The following ESRRG variants were observed in gnomAD, a reference collection of about 807,000 sequenced individuals.
The protein encoded by ESRRG is estrogen-related receptor gamma.
ESRRG carries 13 observed loss-of-function variants against 44.0 expected under a neutral mutation model. The observed-to-expected ratio is 0.30, with a 90% CI of 0.19 to 0.47. The LOEUF (loss-of-function observed/expected upper bound fraction) is 0.47, where lower values mean the gene tolerates loss of function less well. ESRRG is among the 20% of genes least tolerant of loss of function. ESRRG has a pLI of 1.00. For missense variants in ESRRG, 395 were observed against 580.6 expected (o/e 0.68, Z 3.29); for synonymous variants, 215 against 214.6 (o/e 1.00, Z -0.02).
At chr1:217,015,943 C>T (rs542343683) in intron 1 of ESRRG, among the ~76,000 whole-genome samples, 47 of 152,128 alleles carry the variant, frequency 3.1e-4, no homozygotes, top group African/African-American at 1.1e-3. Flanking sequence ...GTTGACCAGG[C>T]TGGCTTCGAA....
chr1:217,107,419 T>C lies in ESRRG; in HGVS notation c.-230+30248A>G, dbSNP rs765809915. 3.3e-5 allele frequency among the ~76,000 whole-genome samples: 5 copies of C among 152,348 alleles called. No individual in the cohort carries two copies. In the East Asian group the frequency reaches 5.8e-4, roughly 18 times the overall value. Reference sequence around the variant, plus strand: ...GGTGAATCAAATGTCAGTGCTTCCCTGATAGAGTCCTGTGTGATTTCTAGT... The same window carrying C: ...GGTGAATCAAATGTCAGTGCTTCCCCGATAGAGTCCTGTGTGATTTCTAGT... On this transcript the variant is annotated intron_variant, in intron 1 of 8. Coordinates refer to the ESRRG transcript ENST00000366940.
chr1:216,519,814 T>TA (rs147923058), intron 5 of ESRRG, among the ~76,000 whole-genome samples: 6,836 of 118,872 alleles, frequency 0.058, 443 homozygotes, highest in African/African-American at 0.16. Context: ...AACATAAAAG[T>TA]AAAAAAAAAA....
rs151219385 is a variant in ESRRG at position 217,110,830 on chromosome 1, T to C, written c.-230+26837A>G. On this transcript the variant is annotated intron_variant, in intron 1 of 8. Transcript: ENST00000366940. ...AATATTGAAACTATATTGCTCGATA[T>C]CATCCTCCCAACCTGGCTTATTATA... 1.7e-3 allele frequency among the ~76,000 whole-genome samples: 255 copies of C among 152,292 alleles called. 1 individual carries two copies. The highest frequency in any genetic ancestry group is 5.9e-3 in the African/African-American group (245 of 41,574).
At position 216,962,129 on chromosome 1, in the gene ESRRG, T is replaced by TA. The variant is rs1280661746; in HGVS notation, c.-105-22457dup. ...AAGTCCAGTTTTTAAGCTTTGTTCT[T>TA]ATTCGAAACTATGGAATAAACACAA... On this transcript the variant is annotated intron_variant, in intron 1 of 7. Transcript: ENST00000359162. 2.0e-5 allele frequency among the ~76,000 whole-genome samples: 3 copies of TA among 152,282 alleles called. No individual in the cohort carries two copies. In the East Asian group the frequency reaches 5.8e-4, roughly 29 times the overall value.
intron 5 of ESRRG, among the ~76,000 whole-genome samples, chr1:216,536,787 T>C (rs1051787967): frequency 6.6e-6 from 1 of 152,140 alleles, no homozygotes; most frequent in Non-Finnish European, 1.5e-5. Context: ...CTGGGCATTA[T>C]GAATGCAACA....
chr1:216,793,682 G>C (rs373533206), intron 2 of ESRRG, among the ~76,000 whole-genome samples: 12 of 152,136 alleles, frequency 7.9e-5, no homozygotes, highest in South Asian at 6.2e-4. Context: ...ATAGATATTT[G>C]TTGTTTTAAG....
intron 2 of ESRRG, among the ~76,000 whole-genome samples, chr1:216,861,394 C>T (rs1034417920): frequency 1.3e-5 from 2 of 151,806 alleles, no homozygotes; most frequent in African/African-American, 4.8e-5. Flanking sequence ...CAAATAAATG[C>T]TAAATGTTTG....
chr1:216,821,554 C>T (rs995128676), intron 2 of ESRRG, among the ~76,000 whole-genome samples: 2 of 151,066 alleles, frequency 1.3e-5, no homozygotes, highest in African/African-American at 2.4e-5. Context: ...GTGTAGTGGC[C>T]TATTCCCGTA....
chr1:216,707,881 A>G (rs2082751731), intron 1 of ESRRG, among the ~76,000 whole-genome samples: 1 of 152,216 alleles, frequency 6.6e-6, no homozygotes, highest in South Asian at 2.1e-4. Flanking sequence ...TTCAAAATCA[A>G]TTTTAAACTG....
chr1:216,666,292 T>C (rs1295922642), intron 2 of ESRRG, among the ~76,000 whole-genome samples: 2 of 152,274 alleles, frequency 1.3e-5, no homozygotes, highest in Non-Finnish European at 2.9e-5. Context: ...CATTCTAATA[T>C]ACCCTATCTG....
intron 1 of ESRRG, among the ~76,000 whole-genome samples, chr1:217,123,144 T>C (rs1170140714): frequency 6.6e-6 from 1 of 152,172 alleles, no homozygotes; most frequent in Non-Finnish European, 1.5e-5. Flanking sequence ...CCAATGGAAA[T>C]GGTGCATGAA....
chr1:216,623,077 CTTTT>C (rs370657704), intron 3 of ESRRG, among the ~76,000 whole-genome samples: 2 of 88,692 alleles, frequency 2.3e-5, no homozygotes, highest in East Asian at 3.6e-4. Flanking sequence ...AATCATTAAA[CTTTT>C]TTTTTTTTTT....
intron 1 of ESRRG, among the ~76,000 whole-genome samples, chr1:217,041,266 G>A (rs1255242364): frequency 6.6e-6 from 1 of 152,088 alleles, no homozygotes; most frequent in African/African-American, 2.4e-5. Context: ...GAAAATAACA[G>A]CCTGCAAGCT....
At chr1:216,831,885 T>C (rs1294117894) in intron 2 of ESRRG, among the ~76,000 whole-genome samples, 1 of 152,170 alleles carries the variant, frequency 6.6e-6, no homozygotes, top group Non-Finnish European at 1.5e-5. Context: ...TAAATATATA[T>C]ACATTTTTTA....
chr1:216,954,334 C>T (rs2150107938), intron 1 of ESRRG, among the ~76,000 whole-genome samples: 1 of 152,236 alleles, frequency 6.6e-6, no homozygotes, highest in Non-Finnish European at 1.5e-5. Context: ...TGGCCATTTT[C>T]AGGAAAGCTC....
At position 216,968,180 on chromosome 1, in the gene ESRRG, C is replaced by A. The variant is rs546699340; in HGVS notation, c.-105-28507G>T. ...TCTTTTATAAATGTTTTCTCCCAGT[C>A]TTTGGCTTGTTTTCTCATTCCCTTG... is the stretch of plus-strand genomic sequence containing the variant. On this transcript the variant is annotated intron_variant, in intron 1 of 7. Coordinates refer to the ESRRG transcript ENST00000359162. Among the ~76,000 whole-genome samples the A allele has an allele frequency of 1.6e-3, 240 of 152,190 alleles. 1 individual carries two copies. The highest frequency in any genetic ancestry group is 5.6e-3 in the African/African-American group (233 of 41,530).
intron 2 of ESRRG, among the ~76,000 whole-genome samples, chr1:216,875,041 C>T (rs1382995532): frequency 6.6e-6 from 1 of 152,120 alleles, no homozygotes; most frequent in Admixed American, 6.6e-5. Context: ...ACTGATCCAC[C>T]ACCGGTTTCC....
Position 216,680,740 on chromosome 1 carries a change from C to A in ESRRG, c.57-3249G>T, listed in dbSNP as rs1045024395. On this transcript the variant is annotated intron_variant, in intron 1 of 6. Transcript: ENST00000408911. ...CCTAAAACTACAGCGAGTCTTAATT[C>A]TCTGCCTCTCTGTCTCTGAAATTCT... Among the ~76,000 whole-genome samples, 226 of 152,318 alleles carry A rather than the reference C, an allele frequency of 1.5e-3. 2 individuals carry two copies. Among genetic ancestry groups the A allele is most frequent in the African/African-American group, 5.4e-3 (225 of 41,574 alleles).
chr1:216,766,430 A>T (rs1279142502), intron 2 of ESRRG, among the ~76,000 whole-genome samples: 1 of 152,070 alleles, frequency 6.6e-6, no homozygotes, highest in Non-Finnish European at 1.5e-5. Flanking sequence ...CACTCCTGCC[A>T]TCTTTCCCTC....
Sources: gnomAD v4.1 joint callset for allele counts (sites outside exome capture counted in the v4.1 genomes callset) on GRCh38, gnomAD v4.1.1 for gene constraint, MANE v1.5 for transcripts, NCBI Gene and HGNC (gene_info 2026-07-23, HGNC 2026-07-21) for gene names.